Variants in FBLN5 observed in about 807,000 individuals in gnomAD.
FBLN5 encodes fibulin 5.
Under a neutral mutation model 61.6 loss-of-function variants are expected in FBLN5, and 24 were observed. The observed-to-expected ratio is 0.39, with a 90% CI of 0.28 to 0.55. The LOEUF (loss-of-function observed/expected upper bound fraction) is 0.55. Among genes scored for constraint, FBLN5 ranks in the 20% least tolerant of loss-of-function variants. The probability of loss-of-function intolerance (pLI) is 0.65; values close to 1 mark genes in which losing one functional copy is unlikely to be tolerated. For missense variants in FBLN5, 470 were observed against 594.1 expected (o/e 0.79, Z 2.17); for synonymous variants, 213 against 219.8 (o/e 0.97, Z 0.27).
In FBLN5 at chr14:91,947,259, G is replaced by A; in HGVS notation, c.-30C>T. On this transcript the variant is annotated 5_prime_UTR_variant, in exon 1 of 11. Transcript: ENST00000342058. The surrounding 1 kb of genome is among the most constrained non-coding windows in gnomAD (Gnocchi z 4.3). Reference sequence around the variant, plus strand: ...AAGACGCGCGAGGAGGAGATGCGAAGGCGAGAAGAAAGCTCGCGGGCGGGA... The same window carrying A: ...AAGACGCGCGAGGAGGAGATGCGAAAGCGAGAAGAAAGCTCGCGGGCGGGA... 1 of 1,614,138 alleles carries A rather than the reference G, an allele frequency of 6.2e-7. No individual in the cohort carries two copies. The highest frequency in any genetic ancestry group is 8.5e-7 in the Non-Finnish European group (1 of 1,180,028).
intron 4 of FBLN5, among the ~76,000 whole-genome samples, chr14:91,904,655 C>T (rs921257743): frequency 6.6e-6 from 1 of 152,246 alleles, no homozygotes; most frequent in African/African-American, 2.4e-5. Context: ...GGAGCCCTCA[C>T]AGGGCGGAGA....
intron 4 of FBLN5, among the ~76,000 whole-genome samples, chr14:91,933,187 C>T (rs1457668737): frequency 6.6e-6 from 1 of 152,186 alleles, no homozygotes; most frequent in Non-Finnish European, 1.5e-5. Flanking sequence ...GATTTGAACA[C>T]TACCTGGATA....
chr14:91,912,809 C>CA (rs200501822), intron 4 of FBLN5, among the ~76,000 whole-genome samples: 4,258 of 92,912 alleles, frequency 0.046, 200 homozygotes, highest in African/African-American at 0.16. Flanking sequence ...GACTCTGACT[C>CA]AAAAAAAAAA....
intron 4 of FBLN5, among the ~76,000 whole-genome samples, chr14:91,897,380 G>A (rs909710444): frequency 6.6e-6 from 1 of 152,202 alleles, no homozygotes. Context: ...CTATCGGCTG[G>A]TGCGTATTTA....
chr14:91,892,355 TCCCTGGTCC>T (rs974903112), intron 5 of FBLN5, among the ~76,000 whole-genome samples: 14 of 152,138 alleles, frequency 9.2e-5, no homozygotes, highest in African/African-American at 3.1e-4. Context: ...CCAGGTTTCC[TCCCTGGTCC>T]CCCTGTTCCT....
Position 91,887,224 on chromosome 14 carries a change from A to T in FBLN5, c.708T>A (p.Tyr236Ter). 6.2e-7 allele frequency: 1 copy of T among 1,613,744 alleles called. No homozygotes were observed. ...AATGAACGCCATCTTCCTCAAGTTC[A>T]TATCCTGGGTCACAGCGGCAGATGA... ...GSFICRCDPG[Y>*]ELEEDGVHCS... Residue 236 changes from tyrosine (Y) to a stop codon, truncating the protein, a stop_gained, in exon 7 of 11, where the codon TAT becomes TAA. Coordinates refer to ENST00000342058, the MANE Select transcript of FBLN5 (RefSeq NM_006329.4). LOFTEE classifies it high-confidence loss of function.
At chr14:91,916,664 T>C (rs1269230095) in intron 4 of FBLN5, among the ~76,000 whole-genome samples, 1 of 152,160 alleles carries the variant, frequency 6.6e-6, no homozygotes. Context: ...TCCCCCAATG[T>C]CATGGAAGGG....
intron 6 of FBLN5, among the ~76,000 whole-genome samples, chr14:91,889,414 A>G (rs1034160150): frequency 2.6e-5 from 4 of 152,114 alleles, no homozygotes; most frequent in African/African-American, 9.7e-5. Flanking sequence ...CCCTTTCCAA[A>G]TGCCCTTCTG....
intron 9 of FBLN5, chr14:91,878,031 C>T (rs1278358467): frequency 6.9e-6 from 3 of 435,174 alleles, no homozygotes; most frequent in South Asian, 1.7e-5. Flanking sequence ...GAGCAAGACC[C>T]TGTCTCAAAA....
intron 4 of FBLN5, among the ~76,000 whole-genome samples, chr14:91,933,740 G>C (rs1389916400): frequency 6.6e-6 from 1 of 152,030 alleles, no homozygotes; most frequent in Non-Finnish European, 1.5e-5. Context: ...GTGATAAGTA[G>C]GTAGGTGCTT....
chr14:91,899,188 G>A (rs1049469693), intron 4 of FBLN5, among the ~76,000 whole-genome samples: 2 of 151,878 alleles, frequency 1.3e-5, no homozygotes, highest in Non-Finnish European at 2.9e-5. Flanking sequence ...ATGACCTTTG[G>A]AAGAGCTGGC....
At chr14:91,888,866 A>G (rs1416361388) in intron 6 of FBLN5, among the ~76,000 whole-genome samples, 16 of 152,128 alleles carry the variant, frequency 1.1e-4, no homozygotes, top group Admixed American at 1.0e-3. Flanking sequence ...GCACCATCCC[A>G]CAATGCTCCA....
At chr14:91,910,072 C>A (rs1890855174) in intron 4 of FBLN5, among the ~76,000 whole-genome samples, 1 of 152,150 alleles carries the variant, frequency 6.6e-6, no homozygotes. Context: ...TACCTATACA[C>A]CTATGTTCAT....
intron 4 of FBLN5, among the ~76,000 whole-genome samples, chr14:91,911,747 C>T (rs2140008157): frequency 6.6e-6 from 1 of 151,556 alleles, no homozygotes; most frequent in South Asian, 2.1e-4. Flanking sequence ...ACTGCCTAAA[C>T]CTCTTACCTC....
At chr14:91,898,600 T>C (rs994173957) in intron 4 of FBLN5, among the ~76,000 whole-genome samples, 2 of 152,128 alleles carry the variant, frequency 1.3e-5, no homozygotes, top group East Asian at 1.9e-4. Flanking sequence ...GGACATTCTT[T>C]GGCAGGGCCT....
intron 4 of FBLN5, among the ~76,000 whole-genome samples, chr14:91,916,809 G>T (rs973889969): frequency 6.6e-6 from 1 of 152,156 alleles, no homozygotes; most frequent in Non-Finnish European, 1.5e-5. Context: ...TCCAGGTACA[G>T]CTCTTGCCCT....
At chr14:91,908,717 T>C (rs903681175) in intron 4 of FBLN5, among the ~76,000 whole-genome samples, 15 of 152,134 alleles carry the variant, frequency 9.9e-5, no homozygotes, top group African/African-American at 2.7e-4. Flanking sequence ...TTCTAAAACA[T>C]AGGAGCCCAT....
intron 4 of FBLN5, among the ~76,000 whole-genome samples, chr14:91,931,800 G>A (rs186026773): frequency 6.6e-6 from 1 of 152,280 alleles, no homozygotes; most frequent in African/African-American, 2.4e-5. Flanking sequence ...AGAGTTGAGT[G>A]GCGGCCACGT....
intron 7 of FBLN5, 114 bp from the exon 8 acceptor site, chr14:91,883,190 G>A: frequency 8.3e-7 from 1 of 1,207,734 alleles, no homozygotes; most frequent in Non-Finnish European, 1.2e-6. Flanking sequence ...TGGCTTTACT[G>A]CCAAGAAGCT....
Sources: allele counts gnomAD v4.1 joint callset (sites outside exome capture counted in the v4.1 genomes callset), GRCh38; gene constraint gnomAD v4.1.1; non-coding constraint Gnocchi (gnomAD v3.1); transcripts MANE v1.5; gene names NCBI Gene and HGNC (gene_info 2026-07-23, HGNC 2026-07-21).